The following PRKG2 variants were observed in gnomAD, a reference collection of about 807,000 sequenced individuals.
PRKG2 encodes the protein cGMP-dependent protein kinase 2.
A neutral mutation model predicts 97.2 loss-of-function variants in PRKG2; 33 were observed. The observed-to-expected ratio is 0.34, with a 90% CI of 0.26 to 0.45. PRKG2 has a LOEUF of 0.45. PRKG2 is among the 20% of genes least tolerant of loss of function. The pLI is 1.00. For synonymous variants in PRKG2, 330 were observed against 321.8 expected (o/e 1.03, Z -0.27); for missense variants, 638 against 900.0 (o/e 0.71, Z 3.73).
upstream of PRKG2, among the ~76,000 whole-genome samples, chr4:81,217,018 GTGTATATATTT>G: frequency 8.3e-6 from 1 of 120,268 alleles, no homozygotes; most frequent in East Asian, 2.3e-4. Flanking sequence ...CATAGTGTGT[GTGTATATATTT>G]TGTATATATA....
At chr4:81,192,739 G>T (rs759211289) in intron 2 of PRKG2, among the ~76,000 whole-genome samples, 11 of 152,154 alleles carry the variant, frequency 7.2e-5, no homozygotes, top group Non-Finnish European at 1.2e-4. Flanking sequence ...AATGAGAAAA[G>T]TTATGAAAAC....
chr4:81,203,644 T>A (rs1336992246), intron 2 of PRKG2, among the ~76,000 whole-genome samples: 1 of 152,126 alleles, frequency 6.6e-6, no homozygotes, highest in Non-Finnish European at 1.5e-5. Context: ...GAACCCTAAC[T>A]AATGATGTTT....
At chr4:81,212,575 A>G (rs1345658650) in intron 1 of PRKG2, among the ~76,000 whole-genome samples, 3 of 152,190 alleles carry the variant, frequency 2.0e-5, no homozygotes, top group African/African-American at 7.2e-5. Flanking sequence ...CAGTGAGTTT[A>G]ATTTTGGATA....
chr4:81,104,696 ATACTT>A (rs1447558723), intron 16 of PRKG2, among the ~76,000 whole-genome samples: 2 of 152,056 alleles, frequency 1.3e-5, no homozygotes, highest in African/African-American at 4.8e-5. Context: ...GTATGAATAA[ATACTT>A]TAAAGAACAA....
At chr4:81,186,553 A>G (rs1751896158) in intron 2 of PRKG2, among the ~76,000 whole-genome samples, 1 of 152,194 alleles carries the variant, frequency 6.6e-6, no homozygotes, top group Non-Finnish European at 1.5e-5. Flanking sequence ...TAACATCACA[A>G]TTAAAAGATC....
At chr4:81,128,136 T>C (rs570789181) in intron 14 of PRKG2, among the ~76,000 whole-genome samples, 9 of 152,238 alleles carry the variant, frequency 5.9e-5, no homozygotes, top group Non-Finnish European at 7.3e-5. Flanking sequence ...ATTACATTTA[T>C]TTATTTGCAT....
At chr4:81,175,044 A>C in intron 2 of PRKG2, 85 bp from the exon 3 acceptor site, 1 of 1,273,708 alleles carries the variant, frequency 7.9e-7, no homozygotes, top group Non-Finnish European at 1.1e-6. Flanking sequence ...GATTCTCAAT[A>C]ATATTATCTA....
chr4:81,151,487 C>G (rs1748395117), intron 8 of PRKG2, among the ~76,000 whole-genome samples: 1 of 151,992 alleles, frequency 6.6e-6, no homozygotes, highest in Admixed American at 6.6e-5. Context: ...TGCAAATATA[C>G]TATTTTGAGT....
intron 6 of PRKG2, among the ~76,000 whole-genome samples, chr4:81,154,438 GCCT>G (rs1293083862): frequency 2.0e-5 from 3 of 151,080 alleles, no homozygotes; most frequent in Admixed American, 6.6e-5. Context: ...CGGGCAGACT[GCCT>G]CCTCAAGTGG....
At chr4:81,115,105 T>G (rs183912900) in intron 14 of PRKG2, among the ~76,000 whole-genome samples, 101 of 152,274 alleles carry the variant, frequency 6.6e-4, no homozygotes, top group African/African-American at 2.4e-3. Context: ...AACATCATTT[T>G]CTAGGTTACG....
chr4:81,144,568 T>TA (rs1397152906), intron 9 of PRKG2, among the ~76,000 whole-genome samples: 4 of 150,718 alleles, frequency 2.7e-5, no homozygotes, highest in African/African-American at 9.8e-5. Flanking sequence ...GAAACTTTTT[T>TA]ATAGTTTTCT....
intron 2 of PRKG2, among the ~76,000 whole-genome samples, chr4:81,178,865 G>A (rs1018807044): frequency 4.6e-5 from 7 of 151,986 alleles, no homozygotes; most frequent in South Asian, 4.2e-4. Context: ...AGTGCCTCAC[G>A]CCTGTAATCT....
At chr4:81,169,593 T>C (rs771181332) in intron 5 of PRKG2, 70 bp downstream of exon 5, 7 of 1,123,224 alleles carry the variant, frequency 6.2e-6, no homozygotes, top group African/African-American at 3.2e-5. Context: ...ATAATTATTC[T>C]GATAAAACCA....
At chr4:81,164,608 A>G (rs888312870) in intron 6 of PRKG2, among the ~76,000 whole-genome samples, 1 of 152,170 alleles carries the variant, frequency 6.6e-6, no homozygotes, top group Non-Finnish European at 1.5e-5. Flanking sequence ...GACTTTAATA[A>G]GCATAAAAAT....
chr4:81,190,451 T>C (rs1042425374), intron 2 of PRKG2, among the ~76,000 whole-genome samples: 3 of 152,116 alleles, frequency 2.0e-5, no homozygotes, highest in African/African-American at 7.2e-5. Flanking sequence ...TCAAGATGCA[T>C]TAAAGACTTA....
chr4:81,175,814 T>C (rs1049265434), intron 2 of PRKG2, among the ~76,000 whole-genome samples: 1 of 152,176 alleles, frequency 6.6e-6, no homozygotes, highest in African/African-American at 2.4e-5. Context: ...AAATTTAAAA[T>C]GTTTTAATGA....
At chr4:81,158,502 C>G (rs750211013) in intron 6 of PRKG2, among the ~76,000 whole-genome samples, 3 of 149,182 alleles carry the variant, frequency 2.0e-5, no homozygotes, top group Non-Finnish European at 4.4e-5. Flanking sequence ...GAATCAATAT[C>G]GTGAAAATGG....
At chr4:81,188,823 T>C (rs1261319624) in intron 2 of PRKG2, among the ~76,000 whole-genome samples, 3 of 82,814 alleles carry the variant, frequency 3.6e-5, no homozygotes, top group Non-Finnish European at 5.6e-5. Context: ...AATTGAACAA[T>C]GAGATCACAT....
At chr4:81,140,922 T>C (rs2110038110) in intron 11 of PRKG2, among the ~76,000 whole-genome samples, 1 of 152,318 alleles carries the variant, frequency 6.6e-6, no homozygotes, top group African/African-American at 2.4e-5. Flanking sequence ...AATATTTAGA[T>C]AGCTATTCTA....
Sources: allele counts gnomAD v4.1 joint callset (sites outside exome capture counted in the v4.1 genomes callset), GRCh38; gene constraint gnomAD v4.1.1; transcripts MANE v1.5; gene names NCBI Gene and HGNC (gene_info 2026-07-23, HGNC 2026-07-21).